The following TEAD1 variants were observed in gnomAD, a reference collection of about 807,000 sequenced individuals.
TEAD1 encodes the protein TEA domain transcription factor 1, also known as transcriptional enhancer factor TEF-1.
TEAD1 carries 9 observed loss-of-function variants against 54.9 expected under a neutral mutation model. That is an observed-to-expected ratio of 0.16 (90% confidence interval 0.10 to 0.29). TEAD1 has a LOEUF of 0.29. TEAD1 is among the 10% of genes least tolerant of loss of function. TEAD1 has a pLI of 1.00. For synonymous variants in TEAD1, 200 were observed against 187.8 expected (o/e 1.07, Z -0.53); for missense variants, 387 against 535.9 (o/e 0.72, Z 2.74).
At chr11:12,835,563 G>A (rs543239217) in intron 3 of TEAD1, among the ~76,000 whole-genome samples, 31 of 150,602 alleles carry the variant, frequency 2.1e-4, no homozygotes, top group African/African-American at 6.4e-4. Context: ...CATGTGATCC[G>A]CCCGCCTTGG....
intron 3 of TEAD1, among the ~76,000 whole-genome samples, chr11:12,770,445 A>T (rs748335441): frequency 3.3e-5 from 5 of 152,222 alleles, no homozygotes; most frequent in Non-Finnish European, 7.3e-5. Context: ...TAAATCATTT[A>T]TTGAGGGCCT....
intron 3 of TEAD1, among the ~76,000 whole-genome samples, chr11:12,785,771 T>C (rs1351961785): frequency 1.3e-5 from 2 of 152,160 alleles, no homozygotes; most frequent in African/African-American, 4.8e-5. Context: ...GTCCAGGAGA[T>C]GGAAAACCTG....
chr11:12,869,749 C>G (rs1318582277), intron 5 of TEAD1, among the ~76,000 whole-genome samples: 1 of 152,154 alleles, frequency 6.6e-6, no homozygotes, highest in African/African-American at 2.4e-5. Context: ...CCGTCTTCAA[C>G]CAAAATTAAT....
chr11:12,840,438 TA>T (rs1485516740), intron 3 of TEAD1, among the ~76,000 whole-genome samples: 1 of 152,080 alleles, frequency 6.6e-6, no homozygotes, highest in Non-Finnish European at 1.5e-5. Context: ...CTGGTAAATA[TA>T]ACCTCCTATA....
At chr11:12,814,874 T>C (rs979657319) in intron 3 of TEAD1, among the ~76,000 whole-genome samples, 2 of 151,602 alleles carry the variant, frequency 1.3e-5, no homozygotes, top group Non-Finnish European at 2.9e-5. Context: ...TGTGTGTCTG[T>C]GTGTGTGTGC....
At chr11:12,691,953 G>T (rs1391646195) in intron 2 of TEAD1, among the ~76,000 whole-genome samples, 2 of 152,100 alleles carry the variant, frequency 1.3e-5, no homozygotes, top group East Asian at 3.9e-4. Flanking sequence ...GTCATTTAAA[G>T]AATTTATCAC....
intron 2 of TEAD1, among the ~76,000 whole-genome samples, chr11:12,759,934 G>A (rs1343497576): frequency 1.3e-5 from 2 of 152,192 alleles, no homozygotes; most frequent in Admixed American, 6.5e-5. Context: ...CTGTGAAAAC[G>A]GTTACTACCC....
At chr11:12,914,739 C>T (rs1948679971) in intron 10 of TEAD1, among the ~76,000 whole-genome samples, 1 of 152,276 alleles carries the variant, frequency 6.6e-6, no homozygotes, top group African/African-American at 2.4e-5. Flanking sequence ...GCACTGTTGC[C>T]CCACAGCCCC....
chr11:12,707,905 G>A (rs897028354), intron 2 of TEAD1, among the ~76,000 whole-genome samples: 11 of 152,280 alleles, frequency 7.2e-5, no homozygotes, highest in African/African-American at 2.6e-4. Context: ...ATTAGTATTC[G>A]GACTAAAGTA....
chr11:12,865,244 C>A, intron 5 of TEAD1: 1 of 255,668 alleles, frequency 3.9e-6, no homozygotes, highest in Non-Finnish European at 7.6e-6. Context: ...CAGCCATGGG[C>A]TAGGAAAGCT....
At chr11:12,803,539 G>A (rs1360412376) in intron 3 of TEAD1, among the ~76,000 whole-genome samples, 1 of 152,230 alleles carries the variant, frequency 6.6e-6, no homozygotes, top group Non-Finnish European at 1.5e-5. Context: ...ACTGAGTGCA[G>A]TCTGTGTGGC....
chr11:12,896,090 C>A (rs544430115), intron 9 of TEAD1, among the ~76,000 whole-genome samples: 1 of 151,956 alleles, frequency 6.6e-6, no homozygotes, highest in Non-Finnish European at 1.5e-5. Flanking sequence ...TTGCACACAG[C>A]GTGGTTAATG....
intron 1 of TEAD1, among the ~76,000 whole-genome samples, chr11:12,675,151 GCGCACACA>G (rs902684275): frequency 1.3e-5 from 2 of 150,004 alleles, no homozygotes; most frequent in African/African-American, 2.4e-5. Flanking sequence ...CCGCCTGCAC[GCGCACACA>G]CGCACACACC....
At chr11:12,738,243 A>G (rs1389512773) in intron 2 of TEAD1, among the ~76,000 whole-genome samples, 1 of 152,178 alleles carries the variant, frequency 6.6e-6, no homozygotes, top group Admixed American at 6.5e-5. Flanking sequence ...CAGCTGCCTT[A>G]AAGCATGGAA....
chr11:12,835,677 A>G (rs566042194), intron 3 of TEAD1, among the ~76,000 whole-genome samples: 2 of 152,252 alleles, frequency 1.3e-5, no homozygotes, highest in South Asian at 2.1e-4. Flanking sequence ...TCTTTCTAAC[A>G]TATGGCTGGC....
chr11:12,732,413 A>G (rs1444404975), intron 2 of TEAD1, among the ~76,000 whole-genome samples: 1 of 152,190 alleles, frequency 6.6e-6, no homozygotes, highest in Non-Finnish European at 1.5e-5. Context: ...AAATGTTGCC[A>G]TGTGAATATA....
At chr11:12,873,554 C>A (rs1015925467) in intron 5 of TEAD1, among the ~76,000 whole-genome samples, 4 of 152,182 alleles carry the variant, frequency 2.6e-5, no homozygotes, top group Non-Finnish European at 5.9e-5. Context: ...TTTGGAAATA[C>A]AATAAAATGA....
At chr11:12,678,736 T>C (rs564497944) in intron 2 of TEAD1, among the ~76,000 whole-genome samples, 1 of 152,272 alleles carries the variant, frequency 6.6e-6, no homozygotes, top group Admixed American at 6.5e-5. Context: ...TGTTTTTCTG[T>C]GGGTTTTTAT....
chr11:12,923,661 A>C (rs1248147368), intron 10 of TEAD1, among the ~76,000 whole-genome samples: 1 of 152,174 alleles, frequency 6.6e-6, no homozygotes, highest in African/African-American at 2.4e-5. Flanking sequence ...ATAAAGAACA[A>C]AAATTCATTT....
Sources: gnomAD v4.1 joint callset for allele counts (sites outside exome capture counted in the v4.1 genomes callset) on GRCh38, gnomAD v4.1.1 for gene constraint, MANE v1.5 for transcripts, NCBI Gene and HGNC (gene_info 2026-07-23, HGNC 2026-07-21) for gene names.